KSR2: variants seen among roughly 807,000 people sequenced by gnomAD.
KSR2 encodes the protein kinase suppressor of ras 2.
A neutral mutation model predicts 107.8 loss-of-function variants in KSR2; 25 were observed. The ratio of observed to expected loss-of-function variants is 0.23; its 90% CI spans 0.17 to 0.32. The LOEUF (loss-of-function observed/expected upper bound fraction) is 0.32. Among genes scored for constraint, KSR2 ranks in the 10% least tolerant of loss-of-function variants. The probability of loss-of-function intolerance (pLI) is 1.00; values close to 1 mark genes in which losing one functional copy is unlikely to be tolerated. For synonymous variants in KSR2, 480 were observed against 507.0 expected (o/e 0.95, Z 0.71); for missense variants, 887 against 1,268.9 (o/e 0.70, Z 4.57).
intron 7 of KSR2, among the ~76,000 whole-genome samples, chr12:117,574,975 T>C (rs895705755): frequency 1.3e-5 from 2 of 150,960 alleles, no homozygotes; most frequent in Non-Finnish European, 2.9e-5. Flanking sequence ...GGACAGGAAA[T>C]GACCCAGATC....
chr12:117,881,016 C>A (rs183816178), intron 1 of KSR2, among the ~76,000 whole-genome samples: 4 of 151,598 alleles, frequency 2.6e-5, no homozygotes, highest in Admixed American at 2.0e-4. Context: ...TCACCCAGGG[C>A]AGATTTTGGA....
At chr12:117,813,861 A>G (rs1807476537) in intron 3 of KSR2, among the ~76,000 whole-genome samples, 1 of 152,242 alleles carries the variant, frequency 6.6e-6, no homozygotes, top group Admixed American at 6.5e-5. Flanking sequence ...TAGCCAAGAT[A>G]TGGATTGACC....
At chr12:117,644,560 G>A (rs1883530792) in intron 5 of KSR2, among the ~76,000 whole-genome samples, 1 of 152,158 alleles carries the variant, frequency 6.6e-6, no homozygotes, top group Non-Finnish European at 1.5e-5. Flanking sequence ...GCAGCCTAGG[G>A]ATCAGAATTT....
At chr12:117,545,664 C>T (rs1876806402) in intron 9 of KSR2, among the ~76,000 whole-genome samples, 1 of 152,212 alleles carries the variant, frequency 6.6e-6, no homozygotes, top group South Asian at 2.1e-4. Context: ...TCAGAGTTTT[C>T]TCTTTGTTGG....
intron 1 of KSR2, among the ~76,000 whole-genome samples, chr12:117,955,799 A>G (rs1403544192): frequency 1.3e-5 from 2 of 151,398 alleles, no homozygotes; most frequent in Non-Finnish European, 2.9e-5. Context: ...TCTGTTCCAT[A>G]GCAATATACA....
At chr12:117,933,353 G>A (rs769409666) in intron 1 of KSR2, among the ~76,000 whole-genome samples, 1 of 152,176 alleles carries the variant, frequency 6.6e-6, no homozygotes, top group Non-Finnish European at 1.5e-5. Context: ...AACTTTGGGA[G>A]GCCGAGACAG....
At chr12:117,794,157 CAT>C (rs1218323624) in intron 3 of KSR2, among the ~76,000 whole-genome samples, 33 of 127,218 alleles carry the variant, frequency 2.6e-4, no homozygotes, top group Non-Finnish European at 3.6e-4. Flanking sequence ...AACATGCACA[CAT>C]ACACCAACAT....
intron 1 of KSR2, among the ~76,000 whole-genome samples, chr12:117,948,987 G>A (rs527782531): frequency 8.7e-4 from 132 of 152,178 alleles, no homozygotes; most frequent in African/African-American, 2.9e-3. Context: ...CCAGCTACTC[G>A]GGAGGCTGAG....
intron 14 of KSR2, among the ~76,000 whole-genome samples, chr12:117,490,772 C>A (rs951836765): frequency 1.3e-5 from 2 of 152,086 alleles, no homozygotes; most frequent in African/African-American, 4.8e-5. Context: ...TTATAGATGA[C>A]AAAATTGAGG....
At chr12:117,683,036 T>C (rs942320269) in intron 4 of KSR2, among the ~76,000 whole-genome samples, 39 of 152,028 alleles carry the variant, frequency 2.6e-4, no homozygotes, top group African/African-American at 8.2e-4. Context: ...CATATACGTA[T>C]CAACACTTTC....
At chr12:117,606,501 C>T (rs796450834) in intron 5 of KSR2, among the ~76,000 whole-genome samples, 573 of 8,622 alleles carry the variant, frequency 0.066, 183 homozygotes, top group Non-Finnish European at 0.1. Flanking sequence ...TCCTCCATCC[C>T]CTCCTTCCTT....
intron 7 of KSR2, among the ~76,000 whole-genome samples, chr12:117,568,024 A>C (rs372002719): frequency 6.6e-6 from 1 of 152,202 alleles, no homozygotes; most frequent in Non-Finnish European, 1.5e-5. Context: ...GCTAACCACA[A>C]TACAAATGAG....
chr12:117,499,821 G>A (rs952472500), intron 14 of KSR2, among the ~76,000 whole-genome samples: 6 of 152,136 alleles, frequency 3.9e-5, no homozygotes, highest in East Asian at 1.9e-4. Context: ...AGGCAGACGC[G>A]TGGTAGGCAT....
At chr12:117,606,471 C>T (rs146660323) in intron 5 of KSR2, among the ~76,000 whole-genome samples, 366 of 31,266 alleles carry the variant, frequency 0.012, 78 homozygotes, top group African/African-American at 0.015. Flanking sequence ...CCTCCTTCCT[C>T]CCTCCCTCCT....
intron 1 of KSR2, among the ~76,000 whole-genome samples, chr12:117,914,572 T>A (rs1566079819): frequency 1.3e-5 from 2 of 152,242 alleles, no homozygotes; most frequent in Admixed American, 6.5e-5. Flanking sequence ...AGGATCTCTA[T>A]CACCTAGGCT....
intron 4 of KSR2, among the ~76,000 whole-genome samples, chr12:117,739,891 T>TTG (rs3072306): frequency 0.43 from 63,082 of 145,880 alleles, 13,181 homozygotes; most frequent in East Asian, 0.52. Context: ...GGTGTTACTG[T>TTG]TTTTTTTTTT....
At chr12:117,542,677 T>G (rs1876591375) in intron 9 of KSR2, among the ~76,000 whole-genome samples, 1 of 152,122 alleles carries the variant, frequency 6.6e-6, no homozygotes, top group South Asian at 2.1e-4. Flanking sequence ...TTTTTTGAGA[T>G]AGAGTCTTGC....
intron 1 of KSR2, among the ~76,000 whole-genome samples, chr12:117,924,572 C>CAAAAAAAAAAAAAAAAAAAAAAAAA (rs58789868): frequency 3.8e-4 from 15 of 39,510 alleles, no homozygotes; most frequent in Non-Finnish European, 7.3e-4. Context: ...AGCTCCATCT[C>CAAAAAAAAAAAAAAAAAAAAAAAAA]AAAAAAAAAA....
rs142046863 is a variant in KSR2, at chr12:117,882,495, T to TTCCA, written c.181-22068_181-22065dup. Among the ~76,000 whole-genome samples the TTCCA allele has an allele frequency of 7.3e-4, 111 of 152,124 alleles. No individual in the cohort carries two copies. The East Asian group carries it at 0.015, about 21-fold the overall frequency. On this transcript the variant is annotated intron_variant, in intron 1 of 19. Transcript: ENST00000339824. The stretch of plus-strand genomic sequence containing the variant: ...ACAGGGATCTGAGAACTAACCATTC[T>TTCCA]TCCATCCATCCATCCATCCACTCAT...
Sources: gnomAD v4.1 joint callset for allele counts (sites outside exome capture counted in the v4.1 genomes callset) on GRCh38, gnomAD v4.1.1 for gene constraint, MANE v1.5 for transcripts, NCBI Gene and HGNC (gene_info 2026-07-23, HGNC 2026-07-21) for gene names.